Variants in GREB1 observed in about 807,000 individuals in gnomAD.
GREB1 encodes the protein growth regulating estrogen receptor binding 1.
In GREB1, 106 loss-of-function variants were observed where a neutral mutation model predicts 200.7. The observed-to-expected ratio is 0.53, with a 90% CI of 0.45 to 0.62. GREB1 has a LOEUF of 0.62. GREB1 is among the 20% of genes least tolerant of loss of function. The pLI, the probability that GREB1 is intolerant of heterozygous loss-of-function variation, is 0.00. For synonymous variants in GREB1, 1,132 were observed against 1,092.4 expected, an observed-to-expected ratio of 1.04 and a Z score of -0.72; for missense variants, 2,243 against 2,556.8, an observed-to-expected ratio of 0.88 and a Z score of 2.65.
At chr2:11,587,741 A>ACACACACACACCCACACGCGCGCG in intron 9 of GREB1, 1 of 786,924 alleles carries the variant, frequency 1.3e-6, no homozygotes, top group Non-Finnish European at 1.6e-6. Flanking sequence ...ACACACACAC[A>ACACACACACACCCACACGCGCGCG]CGCCACCTTT....
At chr2:11,608,808 C>T (rs946466464) in intron 17 of GREB1, among the ~76,000 whole-genome samples, 2 of 152,188 alleles carry the variant, frequency 1.3e-5, no homozygotes, top group Non-Finnish European at 2.9e-5. Context: ...GGGTCATTTC[C>T]TTACATATGT....
chr2:11,556,610 T>G lies in GREB1; in HGVS notation c.-5T>G, dbSNP rs144351460. On this transcript the variant is annotated 5_prime_UTR_variant, in exon 2 of 33. Coordinates refer to ENST00000381486, the MANE Select transcript of GREB1 (RefSeq NM_014668.4). ...TTTTAAACAGAAGACTCCATCCTCT[T>G]GAAGATGGGAAATTCTTACGCTGGA... 930 of 1,607,278 alleles carry G rather than the reference T, an allele frequency of 5.8e-4. 7 individuals are homozygous for G. In the African/African-American group the frequency reaches 0.011, roughly 19 times the overall value.
At chr2:11,585,423 G>A in intron 8 of GREB1, 149 bp downstream of exon 8, 1 of 605,752 alleles carries the variant, frequency 1.7e-6, no homozygotes, top group South Asian at 2.4e-5. Flanking sequence ...GCAGAGTTTG[G>A]TGTGACAAAA....
intron 19 of GREB1, among the ~76,000 whole-genome samples, chr2:11,613,375 G>A (rs1273503156): frequency 6.6e-6 from 1 of 152,204 alleles, no homozygotes; most frequent in Non-Finnish European, 1.5e-5. Flanking sequence ...TGGAATTCCT[G>A]TTATGTTCTG....
rs200602887 is a variant in GREB1 at position 11,610,946 on chromosome 2, G to C, written c.2925G>C (p.Ala975=). 2.5e-3 allele frequency: 4,069 copies of C among 1,610,080 alleles called. 14 individuals carry two copies. The highest frequency in any genetic ancestry group is 2.4e-3 in the Non-Finnish European group (2,850 of 1,178,638). The part of the protein sequence containing the change: ...ERLAHVRARL[A]LEEHFEIILG... ...TGGCCCACGTGCGGGCCCGGCTGGCGCTGGAGGAGCACTTTGAGATCATCC... is the reference window on the plus strand; with the variant it reads ...TGGCCCACGTGCGGGCCCGGCTGGCCCTGGAGGAGCACTTTGAGATCATCC... Residue 975 remains alanine, a synonymous_variant, in exon 18 of 33, where the codon GCG becomes GCC. Transcript: ENST00000381486.
intron 1 of GREB1, among the ~76,000 whole-genome samples, chr2:11,541,526 A>G (rs1045665835): frequency 2.0e-5 from 3 of 152,180 alleles, no homozygotes; most frequent in African/African-American, 7.2e-5. Context: ...ACTCTTCTCT[A>G]TGACAGTGAG....
In GREB1 at chr2:11,633,414, T is replaced by A. The variant is rs1326278213; in HGVS notation, c.4991+351T>A. Among the ~76,000 whole-genome samples the A allele has an allele frequency of 1.3e-5, 2 of 151,496 alleles. No homozygotes were observed. Among genetic ancestry groups the A allele is most frequent in the African/African-American group, 4.9e-5 (2 of 41,232 alleles). ...TGTCTCTACTAAAAATACAAAAAAA[T>A]TTAGCTGGGCGTGGTGGCGGGCGCC... On this transcript the variant is annotated intron_variant, in intron 28 of 32. Coordinates refer to ENST00000381486, the MANE Select transcript of GREB1 (RefSeq NM_014668.4). The surrounding 1 kb of genome is among the most constrained non-coding windows in gnomAD (Gnocchi z 4.1).
intron 1 of GREB1, among the ~76,000 whole-genome samples, chr2:11,553,662 A>G (rs1372954065): frequency 2.6e-5 from 4 of 151,520 alleles, no homozygotes; most frequent in East Asian, 3.9e-4. Context: ...TACCTCTTCC[A>G]TGGGCTACCA....
chr2:11,504,177 GGGT>G, intron 1 of GREB1, among the ~76,000 whole-genome samples: 1 of 152,164 alleles, frequency 6.6e-6, no homozygotes, highest in East Asian at 1.9e-4. Context: ...GGTCATGGGT[GGGT>G]GGTGTCCACA....
At chr2:11,584,443 G>C (rs1212890541) in intron 7 of GREB1, among the ~76,000 whole-genome samples, 1 of 152,174 alleles carries the variant, frequency 6.6e-6, no homozygotes, top group Non-Finnish European at 1.5e-5. Context: ...CTGCCCCCAA[G>C]CGGTGGAGCT....
intron 17 of GREB1, 149 bp downstream of exon 17, chr2:11,602,691 CTTCTCCTCTAT>C (rs1681891701): frequency 1.5e-6 from 1 of 680,654 alleles, no homozygotes; most frequent in Admixed American, 2.4e-5. Flanking sequence ...TGGTTTTTTC[CTTCTCCTCTAT>C]TTGAATCCCT....
chr2:11,539,046 CTCTTCTCTTCTCTTCTCTTCTCTTA>C (rs1166378162), intron 1 of GREB1, among the ~76,000 whole-genome samples: 31 of 139,998 alleles, frequency 2.2e-4, no homozygotes, highest in Admixed American at 7.4e-4. Flanking sequence ...CTCTTCTCTT[CTCTTCTCTTCTCTTCTCTTCTCTTA>C]TGATAGGGTC....
chr2:11,546,622 T>A (rs1355553193), intron 1 of GREB1, among the ~76,000 whole-genome samples: 1 of 152,210 alleles, frequency 6.6e-6, no homozygotes, highest in East Asian at 1.9e-4. Context: ...TAATAGGGAC[T>A]TTACAAACTT....
intron 1 of GREB1, among the ~76,000 whole-genome samples, chr2:11,499,634 A>G (rs1039027143): frequency 6.6e-6 from 1 of 152,250 alleles, no homozygotes; most frequent in Non-Finnish European, 1.5e-5. Context: ...CTTTCTTTAC[A>G]TCTCAAAAAT....
At chr2:11,572,613 G>C (rs1051593250) in intron 4 of GREB1, among the ~76,000 whole-genome samples, 1 of 152,006 alleles carries the variant, frequency 6.6e-6, no homozygotes, top group African/African-American at 2.4e-5. Flanking sequence ...ACTGTTGTGG[G>C]GGGCTATATA....
chr2:11,544,876 G>A (rs943731424), intron 1 of GREB1, among the ~76,000 whole-genome samples: 1 of 152,146 alleles, frequency 6.6e-6, no homozygotes, highest in African/African-American at 2.4e-5. Flanking sequence ...GTGCAGTAGT[G>A]CGTTCTCAGC....
In GREB1 at chr2:11,576,477, G is replaced by T. The variant is rs1324331492; in HGVS notation, c.579G>T (p.Leu193=). 2 of 1,613,712 alleles carry T rather than the reference G, an allele frequency of 1.2e-6. No homozygotes were observed. The highest frequency in any genetic ancestry group is 1.7e-6 in the Non-Finnish European group (2 of 1,179,726). The change falls in exon 5 of 33, where the codon CTG becomes CTT. Residue 193 remains leucine (L), a synonymous_variant. Coordinates refer to ENST00000381486, the MANE Select transcript of GREB1 (RefSeq NM_014668.4). Reference sequence around the variant, plus strand: ...AGCAGAAACACTTGAAGTATTACCTGGTCCGTAATGCACAAGGGACTCTAA... The same window carrying T: ...AGCAGAAACACTTGAAGTATTACCTTGTCCGTAATGCACAAGGGACTCTAA... ...PKKQKHLKYY[L]VRNAQGTLTK... is the part of the protein sequence containing the mutation.
At chr2:11,500,459 ATTTTT>A (rs5829310) in intron 1 of GREB1, among the ~76,000 whole-genome samples, 2 of 141,620 alleles carry the variant, frequency 1.4e-5, no homozygotes, top group African/African-American at 2.6e-5. Context: ...GTGCCTGGCC[ATTTTT>A]TTTTTTTTTT....
chr2:11,588,821 A>G lies in GREB1; in HGVS notation c.1235A>G (p.Gln412Arg). The change falls in exon 10 of 33, where the codon CAG becomes CGG. Residue 412 changes from glutamine to arginine, a missense_variant. Physicochemically the swap from Gln to Arg is conservative, Grantham distance 43. Transcript: ENST00000381486. ...VVSPLLYTCY[Q>R]NSQSVSRAYE... Reference sequence around the variant, plus strand: ...AGCCCCCTCTTGTACACGTGCTACCAGAATTCCCAGTCTGTCTCACGGGCA... The same window carrying G: ...AGCCCCCTCTTGTACACGTGCTACCGGAATTCCCAGTCTGTCTCACGGGCA... 1.2e-6 allele frequency: 2 copies of G among 1,614,208 alleles called. No homozygotes were observed. The highest frequency in any genetic ancestry group is 8.5e-7 in the Non-Finnish European group (1 of 1,180,002).
Sources: allele counts gnomAD v4.1 joint callset (sites outside exome capture counted in the v4.1 genomes callset), GRCh38; gene constraint gnomAD v4.1.1; non-coding constraint Gnocchi (gnomAD v3.1); transcripts MANE v1.5; gene names NCBI Gene and HGNC (gene_info 2026-07-23, HGNC 2026-07-21).